Variants in FER1L6 observed in about 807,000 individuals in gnomAD.
FER1L6 encodes fer-1-like protein 6.
Under a neutral mutation model 219.2 loss-of-function variants are expected in FER1L6, and 177 were observed. That is an observed-to-expected ratio of 0.81 (90% CI 0.71 to 0.91). The LOEUF is 0.91. Ranked by LOEUF, FER1L6 falls within the 40% of genes least tolerant of loss-of-function variation. The probability of loss-of-function intolerance (pLI) is 0.00; values close to 1 mark genes in which losing one functional copy is unlikely to be tolerated. For missense variants in FER1L6, 2,153 were observed against 2,259.9 expected, an observed-to-expected ratio of 0.95 and a Z score of 0.96; for synonymous variants, 768 against 824.3, an observed-to-expected ratio of 0.93 and a Z score of 1.17.
At chr8:123,881,425 T>C (rs537513153) in intron 1 of FER1L6, among the ~76,000 whole-genome samples, 7 of 152,304 alleles carry the variant, frequency 4.6e-5, no homozygotes, top group African/African-American at 1.7e-4. Context: ...GTTTGACTTT[T>C]CTTTAAGACT....
intron 12 of FER1L6, among the ~76,000 whole-genome samples, chr8:123,993,960 G>A (rs185855298): frequency 6.6e-6 from 1 of 152,316 alleles, no homozygotes; most frequent in East Asian, 1.9e-4. Context: ...GTAATGAGCT[G>A]ATCATGTAGG....
chr8:123,853,207 T>C lies in FER1L6; in HGVS notation c.-8+1022T>C, dbSNP rs945489126. Among the ~76,000 whole-genome samples the C allele has an allele frequency of 1.3e-5, 2 of 151,952 alleles. No individual in the cohort carries two copies. Among genetic ancestry groups the C allele is most frequent in the Non-Finnish European group, 2.9e-5 (2 of 68,004 alleles). On this transcript the variant is annotated intron_variant, in intron 1 of 40. Coordinates refer to ENST00000522917, the MANE Select transcript of FER1L6 (RefSeq NM_001039112.2). This position sits in a 1 kb window ranked among gnomAD's most constrained non-coding sequence, Gnocchi z 6.6. ...TCTCACTCTATAGCCCAGGCTGGAG[T>C]GCAGTGGTACAATCTTGGCTCACTG... is the stretch of plus-strand genomic sequence containing the variant.
intron 1 of FER1L6, among the ~76,000 whole-genome samples, chr8:123,944,728 G>T (rs1814407439): frequency 6.6e-6 from 1 of 152,092 alleles, no homozygotes; most frequent in South Asian, 2.1e-4. Flanking sequence ...CCAGACCTGG[G>T]CCTGTGTCTC....
intron 1 of FER1L6, among the ~76,000 whole-genome samples, chr8:123,868,108 C>T (rs1225242691): frequency 6.6e-6 from 1 of 150,726 alleles, no homozygotes; most frequent in African/African-American, 2.5e-5. Context: ...TCCTTTCTTC[C>T]TTCCCCGCTC....
intron 13 of FER1L6, among the ~76,000 whole-genome samples, chr8:124,004,474 C>G (rs938920412): frequency 5.3e-5 from 8 of 152,162 alleles, no homozygotes; most frequent in African/African-American, 1.9e-4. Flanking sequence ...TCTTTTCAAT[C>G]TAGACACTCT....
intron 21 of FER1L6, 101 bp from the exon 22 acceptor site, chr8:124,049,506 G>A: frequency 7.6e-7 from 1 of 1,320,164 alleles, no homozygotes; most frequent in Non-Finnish European, 1.1e-6. Flanking sequence ...GGAAGCTGAT[G>A]GTTTTGTGGA....
Position 124,039,990 on chromosome 8 carries a change from A to G in FER1L6, c.2573A>G (p.His858Arg), listed in dbSNP as rs568572438. 2.0e-5 allele frequency: 32 copies of G among 1,613,674 alleles called. No individual in the cohort carries two copies. The African/African-American group carries it at 3.7e-4, about 19-fold the overall frequency. The change falls in exon 20 of 41, where the codon CAC (histidine) becomes CGC (arginine). Residue 858 changes from histidine to arginine, a missense_variant. By Grantham distance (29) the His-to-Arg change is conservative. Coordinates refer to ENST00000522917, the MANE Select transcript of FER1L6 (RefSeq NM_001039112.2). Reference protein sequence around the residue: ...DPFAKVTFLSHCQTTKIISQT... With the variant: ...DPFAKVTFLSRCQTTKIISQT... ...TTTGCCAAAGTCACGTTCCTTTCTCACTGCCAGACAACAAAGGTAACCAGG... is the reference window on the plus strand; with the variant it reads ...TTTGCCAAAGTCACGTTCCTTTCTCGCTGCCAGACAACAAAGGTAACCAGG...
rs754882515 is a variant in FER1L6, at chr8:123,976,103, T to C, written c.870+19T>C. On this transcript the variant is annotated intron_variant, in intron 9 of 40. Transcript: ENST00000522917. ...GCAGATGGTGAGGAACCATTGTCAC[T>C]AACACTGCCTGCTAGGCCAGGGCCC... The C allele has an allele frequency of 2.5e-6, 4 of 1,579,596 alleles. No individual in the cohort carries two copies. Among genetic ancestry groups the C allele is most frequent in the Non-Finnish European group, 3.5e-6 (4 of 1,155,560 alleles).
At chr8:124,014,197 G>A (rs961228930) in intron 15 of FER1L6, 1 of 152,602 alleles carries the variant, frequency 6.6e-6, no homozygotes, top group African/African-American at 2.4e-5. Flanking sequence ...CAGAGGGGAC[G>A]GGGGAGATGG....
chr8:124,025,754 ATTGT>A (rs1246902894), intron 18 of FER1L6, among the ~76,000 whole-genome samples: 1 of 152,086 alleles, frequency 6.6e-6, no homozygotes, highest in Non-Finnish European at 1.5e-5. Flanking sequence ...GAATCTGTTG[ATTGT>A]TTGGGGCAGT....
chr8:123,986,878 A>G (rs768644822), intron 12 of FER1L6, among the ~76,000 whole-genome samples: 5 of 152,130 alleles, frequency 3.3e-5, no homozygotes, highest in African/African-American at 4.8e-5. Context: ...ATAGTACTCC[A>G]TTGTGTATCT....
chr8:124,057,316 AGGTT>A (rs906735562), intron 22 of FER1L6, among the ~76,000 whole-genome samples: 3 of 151,964 alleles, frequency 2.0e-5, no homozygotes, highest in African/African-American at 7.3e-5. Flanking sequence ...CTCTTTTGAG[AGGTT>A]GGTTATCATT....
At chr8:123,859,552 T>C (rs898289678) in intron 1 of FER1L6, among the ~76,000 whole-genome samples, 27 of 151,546 alleles carry the variant, frequency 1.8e-4, no homozygotes, top group South Asian at 4.2e-4. Context: ...CTGTTTCTTT[T>C]TTTTTTTTTT....
intron 12 of FER1L6, among the ~76,000 whole-genome samples, chr8:123,998,008 G>A (rs1295052302): frequency 4.6e-5 from 7 of 152,170 alleles, no homozygotes; most frequent in African/African-American, 1.4e-4. Flanking sequence ...TTGGTCACTA[G>A]TGCTTTATTT....
intron 1 of FER1L6, among the ~76,000 whole-genome samples, chr8:123,930,182 A>G (rs553374996): frequency 6.6e-6 from 1 of 152,294 alleles, no homozygotes; most frequent in Admixed American, 6.5e-5. Context: ...ACTTGTACTC[A>G]TGGATGTGTG....
chr8:124,106,355 A>C (rs1162901112), intron 39 of FER1L6, among the ~76,000 whole-genome samples: 2 of 133,350 alleles, frequency 1.5e-5, no homozygotes, highest in Non-Finnish European at 3.3e-5. Context: ...AAAAAAAAAA[A>C]AAAAAACAGA....
At chr8:124,049,874 G>A (rs1411078727) in intron 22 of FER1L6, 118 bp downstream of exon 22, 1 of 1,042,156 alleles carries the variant, frequency 9.6e-7, no homozygotes, top group Non-Finnish European at 1.5e-6. Flanking sequence ...TCCCACATCT[G>A]AATGTGTCTC....
intron 1 of FER1L6, among the ~76,000 whole-genome samples, chr8:123,876,074 G>C (rs924363554): frequency 6.6e-6 from 1 of 152,152 alleles, no homozygotes; most frequent in Non-Finnish European, 1.5e-5. Flanking sequence ...TACAACTCAA[G>C]ATCTGTTCAC....
chr8:124,059,679 A>G (rs1008932953), intron 22 of FER1L6, among the ~76,000 whole-genome samples: 5 of 152,186 alleles, frequency 3.3e-5, no homozygotes, highest in African/African-American at 9.7e-5. Flanking sequence ...ACTGATTAGG[A>G]TGCAGTCTCT....
Sources: allele counts gnomAD v4.1 joint callset (sites outside exome capture counted in the v4.1 genomes callset), GRCh38; gene constraint gnomAD v4.1.1; non-coding constraint Gnocchi (gnomAD v3.1); transcripts MANE v1.5; gene names NCBI Gene and HGNC (gene_info 2026-07-23, HGNC 2026-07-21).